The following EIF3I variants were observed in gnomAD, a reference collection of about 807,000 sequenced individuals.
The protein encoded by EIF3I is TGF-beta receptor-interacting protein 1.
EIF3I carries 20 observed loss-of-function variants against 43.3 expected under a neutral mutation model. The observed-to-expected ratio is 0.46, with a 90% CI of 0.32 to 0.67. The LOEUF (loss-of-function observed/expected upper bound fraction) is 0.67. EIF3I is among the 30% of genes least tolerant of loss of function. The pLI is 0.03. For missense variants in EIF3I, 279 were observed against 421.4 expected, an observed-to-expected ratio of 0.66 and a Z score of 2.96; for synonymous variants, 167 against 151.7, an observed-to-expected ratio of 1.10 and a Z score of -0.74.
intron 8 of EIF3I, 149 bp from the exon 9 acceptor site, chr1:32,228,986 C>A: frequency 9.6e-7 from 1 of 1,043,058 alleles, no homozygotes; most frequent in Non-Finnish European, 1.4e-6. Flanking sequence ...GGGCAGCCAG[C>A]AGGAGGTGGC....
At chr1:32,235,788 G>C (rs1639291694), downstream of EIF3I, among the ~76,000 whole-genome samples, 1 of 152,196 alleles carries the variant, frequency 6.6e-6, no homozygotes, top group Non-Finnish European at 1.5e-5. Context: ...ACACCAGTCT[G>C]ATGGGAGCAA....
exon 1 of EIF3I, chr1:32,222,413 G>A (rs771704943): frequency 6.3e-7 from 1 of 1,590,090 alleles, no homozygotes; most frequent in Non-Finnish European, 8.6e-7. Flanking sequence ...TCTTACTCAC[G>A]TTGCGGCCTT....
chr1:32,227,736 C>T (rs1639169259), intron 6 of EIF3I, among the ~76,000 whole-genome samples: 2 of 152,136 alleles, frequency 1.3e-5, no homozygotes, highest in South Asian at 4.1e-4. Flanking sequence ...GATTGTGCCA[C>T]TGTACTCCAG....
downstream of EIF3I, chr1:32,231,354 G>A (rs1187342107): frequency 9.9e-6 from 6 of 604,820 alleles, no homozygotes; most frequent in Non-Finnish European, 1.7e-5. Context: ...AGCCAGGCAT[G>A]GTGGCACACG....
At chr1:32,222,438 C>T (rs369507179) in exon 1 of EIF3I, 30 of 1,598,656 alleles carry the variant, frequency 1.9e-5, no homozygotes, top group Middle Eastern at 1.7e-4. Flanking sequence ...GCGTCACAGC[C>T]GGGATGGTGA....
chr1:32,224,544 G>A (rs1237431151), intron 4 of EIF3I, 69 bp downstream of exon 4: 6 of 1,187,652 alleles, frequency 5.1e-6, no homozygotes, highest in African/African-American at 3.0e-5. Context: ...GAGTAAACAG[G>A]TCCTAGGAAA....
intron 3 of EIF3I, 132 bp from the exon 4 acceptor site, chr1:32,224,278 A>AT (rs1039968184): frequency 9.1e-7 from 1 of 1,103,664 alleles, no homozygotes; most frequent in African/African-American, 1.5e-5. Context: ...TTCAGGACAA[A>AT]TTCCAGTTCT....
At chr1:32,228,065 C>G (rs1232135733) in intron 6 of EIF3I, among the ~76,000 whole-genome samples, 1 of 152,140 alleles carries the variant, frequency 6.6e-6, no homozygotes, top group Non-Finnish European at 1.5e-5. Flanking sequence ...AAAGAACATC[C>G]CACAGGCAAA....
exon 12 of EIF3I, chr1:32,231,136 T>C (rs1182549235): frequency 1.2e-6 from 2 of 1,614,130 alleles, no homozygotes; most frequent in South Asian, 2.2e-5. Context: ...GCGGCGAAGA[T>C]GGTTACGTCC....
chr1:32,224,960 A>G (rs1480080305), intron 4 of EIF3I, among the ~76,000 whole-genome samples: 1 of 152,062 alleles, frequency 6.6e-6, no homozygotes, highest in Non-Finnish European at 1.5e-5. Context: ...CAGCCTCCCA[A>G]ATAGCTGGGA....
chr1:32,228,543 C>A (rs755299575), exon 7 of EIF3I: 8 of 1,614,050 alleles, frequency 5.0e-6, no homozygotes, highest in Non-Finnish European at 6.8e-6. Context: ...CCCGGCAGAT[C>A]AACGACATCC....
chr1:32,233,723 T>G (rs1028915232), downstream of EIF3I, among the ~76,000 whole-genome samples: 7 of 152,234 alleles, frequency 4.6e-5, no homozygotes. Context: ...TTTCAACCTC[T>G]GTTCTATTGC....
Position 32,226,332 on chromosome 1 carries a change from G to A in EIF3I, c.400+12G>A. The A allele has an allele frequency of 6.2e-7, 1 of 1,614,122 alleles. No homozygotes were observed. Among genetic ancestry groups the A allele is most frequent in the Non-Finnish European group, 8.5e-7 (1 of 1,179,996 alleles). Reference sequence around the variant, plus strand: ...TCCGAGCCAGATTGGTGAGGGCTGGGAATAGGGCTGGGGTTGAGGTAAAGG... The same window carrying A: ...TCCGAGCCAGATTGGTGAGGGCTGGAAATAGGGCTGGGGTTGAGGTAAAGG... On this transcript the variant is annotated intron_variant, in intron 5 of 11. Transcript: ENST00000676679.
At chr1:32,223,417 G>T (rs1453822768) in intron 2 of EIF3I, among the ~76,000 whole-genome samples, 2 of 152,312 alleles carry the variant, frequency 1.3e-5, no homozygotes, top group East Asian at 3.9e-4. Context: ...CCTAGTAGCT[G>T]GGACTACAGG....
chr1:32,228,531 C>G, exon 7 of EIF3I: 1 of 1,614,174 alleles, frequency 6.2e-7, no homozygotes, highest in South Asian at 1.1e-5. Flanking sequence ...TTAAGGAGCA[C>G]TCCCGGCAGA....
chr1:32,224,245 T>A, intron 3 of EIF3I, 124 bp downstream of exon 3: 1 of 1,123,336 alleles, frequency 8.9e-7, no homozygotes, highest in Non-Finnish European at 1.3e-6. Flanking sequence ...TACTCCCTGG[T>A]CTCTTCACTG....
intron 9 of EIF3I, among the ~76,000 whole-genome samples, chr1:32,229,850 C>T (rs1464425319): frequency 6.6e-6 from 1 of 152,106 alleles, no homozygotes; most frequent in East Asian, 1.9e-4. Flanking sequence ...TGTGCCCAGC[C>T]TTCATTATAT....
intron 2 of EIF3I, among the ~76,000 whole-genome samples, chr1:32,223,357 C>G (rs1055859942): frequency 1.3e-5 from 2 of 152,182 alleles, no homozygotes; most frequent in Non-Finnish European, 2.9e-5. Flanking sequence ...GATCTCGACT[C>G]ACTGCAACCT....
At chr1:32,231,191 G>A in exon 12 of EIF3I, 2 of 1,613,776 alleles carry the variant, frequency 1.2e-6, no homozygotes, top group Non-Finnish European at 1.7e-6. Flanking sequence ...TGAGTTTGAG[G>A]CTTAAGAAGC....
Sources: gnomAD v4.1 joint callset for allele counts (sites outside exome capture counted in the v4.1 genomes callset) on GRCh38, gnomAD v4.1.1 for gene constraint, MANE v1.5 for transcripts, NCBI Gene and HGNC (gene_info 2026-07-23, HGNC 2026-07-21) for gene names.